Variants in PTK2 observed in about 807,000 individuals in gnomAD.
PTK2 encodes focal adhesion kinase 1.
PTK2 carries 45 observed loss-of-function variants against 150.1 expected under a neutral mutation model. The observed-to-expected ratio is 0.30, with a 90% CI of 0.24 to 0.38. The LOEUF (loss-of-function observed/expected upper bound fraction) is 0.38. PTK2 is among the 10% of genes least tolerant of loss of function. The pLI is 1.00. For synonymous variants in PTK2, 432 were observed against 449.2 expected, an observed-to-expected ratio of 0.96 and a Z score of 0.48; for missense variants, 919 against 1,307.3, an observed-to-expected ratio of 0.70 and a Z score of 4.58.
At chr8:140,869,921 G>A (rs2100141548) in intron 4 of PTK2, among the ~76,000 whole-genome samples, 1 of 125,478 alleles carries the variant, frequency 8.0e-6, no homozygotes, top group Non-Finnish European at 1.7e-5. Flanking sequence ...CTTTCTTTGA[G>A]ATGAGCATGT....
At chr8:140,803,938 G>C (rs2100096785) in intron 10 of PTK2, among the ~76,000 whole-genome samples, 1 of 152,188 alleles carries the variant, frequency 6.6e-6, no homozygotes, top group Admixed American at 6.5e-5. Context: ...GAAGATAAAG[G>C]AGGGAGGGAA....
intron 27 of PTK2, among the ~76,000 whole-genome samples, chr8:140,683,209 G>C (rs754045449): frequency 6.6e-6 from 1 of 152,132 alleles, no homozygotes; most frequent in Non-Finnish European, 1.5e-5. Flanking sequence ...AACTATCATA[G>C]AACATTATGA....
intron 7 of PTK2, among the ~76,000 whole-genome samples, chr8:140,837,710 CAG>C (rs1448062520): frequency 6.6e-6 from 1 of 151,936 alleles, no homozygotes; most frequent in Non-Finnish European, 1.5e-5. Context: ...GCCTGGGCAA[CAG>C]AGAGAGACTC....
chr8:140,902,179 G>A (rs147956903), intron 2 of PTK2, among the ~76,000 whole-genome samples: 1 of 151,910 alleles, frequency 6.6e-6, no homozygotes, highest in Admixed American at 6.6e-5. Flanking sequence ...GATTACAGGC[G>A]CACGCCACCA....
intron 11 of PTK2, among the ~76,000 whole-genome samples, chr8:140,801,309 C>G (rs962421443): frequency 6.6e-6 from 1 of 152,224 alleles, no homozygotes; most frequent in Non-Finnish European, 1.5e-5. Context: ...CCAGCACAAC[C>G]GTGTGTGCCA....
At chr8:140,795,225 A>T (rs920121375) in intron 12 of PTK2, among the ~76,000 whole-genome samples, 3 of 152,172 alleles carry the variant, frequency 2.0e-5, no homozygotes, top group African/African-American at 7.2e-5. Flanking sequence ...TACTTATTCT[A>T]GAACATAAAC....
intron 1 of PTK2, among the ~76,000 whole-genome samples, chr8:140,977,442 T>TG (rs2100189674): frequency 6.6e-6 from 1 of 151,924 alleles, no homozygotes; most frequent in African/African-American, 2.4e-5. Flanking sequence ...GCCAACACGG[T>TG]GAAACCCCAT....
chr8:140,670,682 C>T (rs557423409), intron 29 of PTK2, among the ~76,000 whole-genome samples: 91 of 152,158 alleles, frequency 6.0e-4, no homozygotes, highest in Non-Finnish European at 5.0e-4. Context: ...AGGGCGCTAT[C>T]CTACTATAAC....
At chr8:140,986,914 A>G (rs922648979) in intron 1 of PTK2, among the ~76,000 whole-genome samples, 31 of 152,346 alleles carry the variant, frequency 2.0e-4, no homozygotes, top group African/African-American at 6.5e-4. Flanking sequence ...TAAAACTTCT[A>G]GGAGAAAAAA....
At chr8:140,659,151 G>T (rs980886613) in exon 32 of PTK2, 10 of 342,454 alleles carry the variant, frequency 2.9e-5, no homozygotes, top group African/African-American at 2.1e-4. Flanking sequence ...CCTTTAGAAC[G>T]TATCTTAATG....
At chr8:140,968,369 G>C (rs536237586) in intron 1 of PTK2, among the ~76,000 whole-genome samples, 1 of 151,912 alleles carries the variant, frequency 6.6e-6, no homozygotes, top group Non-Finnish European at 1.5e-5. Context: ...TATGAACATC[G>C]AGTTGATCCT....
At chr8:140,925,677 T>C (rs1487335263) in exon 2 of PTK2, 2 of 985,200 alleles carry the variant, frequency 2.0e-6, no homozygotes, top group Non-Finnish European at 2.4e-6. Context: ...TCCGTTATTC[T>C]TGAGGAGCTC....
chr8:140,744,731 C>G (rs1482020051), exon 19 of PTK2: 1 of 1,606,058 alleles, frequency 6.2e-7, no homozygotes, highest in South Asian at 1.1e-5. Flanking sequence ...GATGCTAGAT[C>G]CAAACTGTAT....
intron 16 of PTK2, among the ~76,000 whole-genome samples, chr8:140,754,684 G>C (rs947288281): frequency 6.6e-6 from 1 of 152,202 alleles, no homozygotes; most frequent in Non-Finnish European, 1.5e-5. Flanking sequence ...CTAAGTGTAA[G>C]ATTCCATAGC....
At chr8:140,882,474 T>A (rs971132002) in intron 3 of PTK2, among the ~76,000 whole-genome samples, 2 of 152,210 alleles carry the variant, frequency 1.3e-5, no homozygotes, top group African/African-American at 4.8e-5. Context: ...TGAAGACACA[T>A]CTATCTGGTC....
intron 10 of PTK2, among the ~76,000 whole-genome samples, chr8:140,815,427 A>G (rs1156440147): frequency 2.0e-5 from 3 of 152,162 alleles, no homozygotes; most frequent in African/African-American, 7.2e-5. Context: ...GTGGAGGGTA[A>G]AAGTGGGGAG....
intron 1 of PTK2, among the ~76,000 whole-genome samples, chr8:140,990,400 AATT>A (rs911329905): frequency 1.3e-5 from 2 of 151,792 alleles, no homozygotes; most frequent in Admixed American, 1.3e-4. Context: ...ACACCTGGCT[AATT>A]ATTATTATTA....
chr8:140,686,661 C>T, exon 27 of PTK2: 1 of 1,613,948 alleles, frequency 6.2e-7, no homozygotes, highest in African/African-American at 1.3e-5. Flanking sequence ...TCCTCCCTGT[C>T]AATACTGCCT....
chr8:140,749,789 C>T (rs1439949719), intron 17 of PTK2, among the ~76,000 whole-genome samples: 4 of 152,160 alleles, frequency 2.6e-5, no homozygotes, highest in African/African-American at 9.7e-5. Flanking sequence ...AGATACACTA[C>T]ATCTATCACA....
Sources: allele counts gnomAD v4.1 joint callset (sites outside exome capture counted in the v4.1 genomes callset), GRCh38; gene constraint gnomAD v4.1.1; transcripts MANE v1.5; gene names NCBI Gene and HGNC (gene_info 2026-07-23, HGNC 2026-07-21).